Variants in OPRM1 observed in about 807,000 individuals in gnomAD.
OPRM1 encodes the protein opioid receptor mu 1.
In OPRM1, 27 loss-of-function variants were observed where a neutral mutation model predicts 31.8. The ratio of observed to expected loss-of-function variants is 0.85; its 90% CI spans 0.63 to 1.17. The LOEUF is 1.17. Among genes scored for constraint, OPRM1 ranks in the 50% most tolerant of loss-of-function variants. The pLI is 0.00. For missense variants in OPRM1, 536 were observed against 511.1 expected, an observed-to-expected ratio of 1.05 and a Z score of -0.47; for synonymous variants, 196 against 189.9, an observed-to-expected ratio of 1.03 and a Z score of -0.26.
chr6:154,136,376 T>G (rs1490825829), downstream of OPRM1, among the ~76,000 whole-genome samples: 1 of 152,152 alleles, frequency 6.6e-6, no homozygotes, highest in Non-Finnish European at 1.5e-5. Context: ...AGAGAAGAAA[T>G]AAGAGAAACT....
At chr6:154,196,539 G>A (rs1230872232) in intron 3 of OPRM1, among the ~76,000 whole-genome samples, 1 of 152,100 alleles carries the variant, frequency 6.6e-6, no homozygotes, top group African/African-American at 2.4e-5. Flanking sequence ...CAGCTTTTCA[G>A]CATCCAGAGT....
At chr6:154,085,905 T>TTTTTTTTTTTTTG (rs61701060) in intron 1 of OPRM1, among the ~76,000 whole-genome samples, 1 of 150,864 alleles carries the variant, frequency 6.6e-6, no homozygotes, top group Admixed American at 6.6e-5. Context: ...TTTTTTTTTT[T>TTTTTTTTTTTTTG]GAGACAGTGT....
At chr6:154,204,994 T>TCC (rs1730126016) in intron 3 of OPRM1, among the ~76,000 whole-genome samples, 1 of 152,172 alleles carries the variant, frequency 6.6e-6, no homozygotes, top group African/African-American at 2.4e-5. Context: ...CAGAAAGGCT[T>TCC]CCCTGTGGAT....
intron 1 of OPRM1, among the ~76,000 whole-genome samples, chr6:154,020,040 T>C (rs562229936): frequency 2.0e-4 from 31 of 152,286 alleles, no homozygotes; most frequent in Middle Eastern, 3.4e-3. Context: ...AGCTGATAGC[T>C]TATTTCTTTT....
chr6:154,160,375 C>T (rs1456554651), intron 3 of OPRM1, among the ~76,000 whole-genome samples: 2 of 152,132 alleles, frequency 1.3e-5, no homozygotes, highest in Non-Finnish European at 2.9e-5. Context: ...TAAAACTTAC[C>T]ATTGTAGGTA....
downstream of OPRM1, among the ~76,000 whole-genome samples, chr6:154,134,572 A>T (rs1798008675): frequency 6.6e-6 from 1 of 152,074 alleles, no homozygotes; most frequent in Admixed American, 6.5e-5. Context: ...CCCACTTAGC[A>T]CTGACAGTGC....
At chr6:154,019,747 C>CT (rs373120574) in intron 1 of OPRM1, among the ~76,000 whole-genome samples, 2,455 of 121,966 alleles carry the variant, frequency 0.02, 43 homozygotes, top group East Asian at 0.052. Flanking sequence ...CTTTTCTTTT[C>CT]TTTTTTTTTT....
chr6:154,049,671 A>G (rs1781827022), intron 1 of OPRM1, among the ~76,000 whole-genome samples: 1 of 152,230 alleles, frequency 6.6e-6, no homozygotes, highest in Admixed American at 6.5e-5. Flanking sequence ...TAGCAAATTC[A>G]TGACATGATG....
rs533140712 is a variant in OPRM1, at chr6:154,127,999, C to A, written c.*9278C>A. Among the ~76,000 whole-genome samples the A allele has an allele frequency of 6.6e-6, 1 of 152,256 alleles. No individual in the cohort carries two copies. The highest frequency in any genetic ancestry group is 6.5e-5 in the Admixed American group (1 of 15,290). On this transcript the variant is annotated 3_prime_UTR_variant, in exon 4 of 4. Coordinates refer to ENST00000330432, the MANE Select transcript of OPRM1 (RefSeq NM_000914.5). ...TTATTTCTCAAGGGACCAGAGAAAA[C>A]CAATAGGCCTACTCCCCAGCTGAGT...
rs1421976453 is a variant in OPRM1 at position 154,123,850 on chromosome 6, A to G, written c.*5129A>G. Among the ~76,000 whole-genome samples the G allele has an allele frequency of 6.6e-6, 1 of 152,172 alleles. No individual in the cohort carries two copies. The highest frequency in any genetic ancestry group is 1.5e-5 in the Non-Finnish European group (1 of 68,022). On this transcript the variant is annotated 3_prime_UTR_variant, in exon 4 of 4. Coordinates refer to ENST00000330432, the MANE Select transcript of OPRM1 (RefSeq NM_000914.5). ...ACAACCAGAGGTAACTTTCATTGCC[A>G]TCTTGGTTTTAGTGGGGTTTGGCCG...
chr6:154,094,254 A>G (rs753484673), intron 3 of OPRM1: 1 of 1,279,394 alleles, frequency 7.8e-7, no homozygotes, highest in South Asian at 1.2e-5. Context: ...CTGTATTCTG[A>G]CAACTGTCCA....
chr6:154,161,901 C>A (rs1395511376), intron 3 of OPRM1, among the ~76,000 whole-genome samples: 1 of 152,204 alleles, frequency 6.6e-6, no homozygotes, highest in Non-Finnish European at 1.5e-5. Context: ...CCAGTCATCA[C>A]ATTTTCACAT....
upstream of OPRM1, among the ~76,000 whole-genome samples, chr6:154,037,755 T>G (rs1386566161): frequency 6.6e-6 from 1 of 152,144 alleles, no homozygotes; most frequent in Non-Finnish European, 1.5e-5. Context: ...CTCGCCTTTT[T>G]TAAGTAATGA....
intron 3 of OPRM1, chr6:154,093,577 T>G: frequency 1.3e-6 from 2 of 1,500,832 alleles, no homozygotes; most frequent in Non-Finnish European, 1.8e-6. Context: ...CTGTTCCAAG[T>G]AACTAAAAGG....
In OPRM1 at chr6:154,091,322, T is replaced by A. The variant is rs1451950575; in HGVS notation, c.1014T>A (p.Tyr338Ter). The change falls in exon 3 of 4, where the codon TAT (tyrosine) becomes TAA (stop). Residue 338 changes from tyrosine to a stop codon, truncating the protein, a stop_gained. Transcript: ENST00000330432. LOFTEE classifies it high-confidence loss of function. Reference protein sequence around the residue: ...YTNSCLNPVLYAFLDENFKRC... With the variant: ...YTNSCLNPVL ...ACAGCTGCCTCAACCCAGTCCTTTA[T>A]GCATTTCTGGATGAAAACTTCAAAC... 1 of 1,614,226 alleles carries A rather than the reference T, an allele frequency of 6.2e-7. No homozygotes were observed. Among genetic ancestry groups the A allele is most frequent in the Non-Finnish European group, 8.5e-7 (1 of 1,180,038 alleles).
At chr6:154,200,571 A>C (rs1776982411) in intron 3 of OPRM1, among the ~76,000 whole-genome samples, 1 of 152,030 alleles carries the variant, frequency 6.6e-6, no homozygotes, top group African/African-American at 2.4e-5. Flanking sequence ...AAATACAAAA[A>C]TTAGCCTGGC....
chr6:154,061,352 C>T (rs987993223), intron 1 of OPRM1, among the ~76,000 whole-genome samples: 2 of 152,146 alleles, frequency 1.3e-5, no homozygotes, highest in African/African-American at 4.8e-5. Flanking sequence ...TAACATCTAA[C>T]ACACCATTTA....
At chr6:154,044,084 C>T (rs1034604414) in intron 1 of OPRM1, among the ~76,000 whole-genome samples, 1 of 151,754 alleles carries the variant, frequency 6.6e-6, no homozygotes, top group African/African-American at 2.4e-5. Context: ...AATTACAGAA[C>T]AATTCTTCTC....
Position 154,212,724 on chromosome 6 carries a change from C to T in OPRM1, c.1165-33969C>T, listed in dbSNP as rs1380676583. 2.4e-6 allele frequency: 3 copies of T among 1,263,836 alleles called. No individual in the cohort carries two copies. The Admixed American group carries it at 5.2e-5, about 22-fold the overall frequency. The allele number at this position is 1,263,836 out of a possible 1,614,324, so 78.3% of individuals were successfully genotyped here. ...CTATTCAATTGGAAGAAATGACATC[C>T]ACATGTCTGATCGATGACCAACAGA... On this transcript the variant is annotated intron_variant, in intron 3 of 3. Transcript: ENST00000337049.
Sources: gnomAD v4.1 joint callset for allele counts (sites outside exome capture counted in the v4.1 genomes callset) on GRCh38, gnomAD v4.1.1 for gene constraint, MANE v1.5 for transcripts, NCBI Gene and HGNC (gene_info 2026-07-23, HGNC 2026-07-21) for gene names.